LOXL2: variants seen among roughly 807,000 people sequenced by gnomAD.
LOXL2 encodes lysyl oxidase homolog 2.
Under a neutral mutation model 93.0 loss-of-function variants are expected in LOXL2, and 70 were observed. That is an observed-to-expected ratio of 0.75 (90% CI 0.62 to 0.92). The LOEUF (loss-of-function observed/expected upper bound fraction) is 0.92, where lower values mean the gene tolerates loss of function less well. LOXL2 is among the 40% of genes least tolerant of loss of function. The pLI is 0.00. For synonymous variants in LOXL2, 438 were observed against 413.2 expected (o/e 1.06, Z -0.73); for missense variants, 973 against 1,054.9 (o/e 0.92, Z 1.08).
At chr8:23,364,237 C>A (rs1413482449) in intron 2 of LOXL2, 1 of 152,160 alleles carries the variant, frequency 6.6e-6, no homozygotes, top group Non-Finnish European at 1.5e-5. Flanking sequence ...CCAATGCAAC[C>A]AGCTTCTGGG....
intron 1 of LOXL2, among the ~76,000 whole-genome samples, chr8:23,379,655 C>T (rs1281441465): frequency 2.8e-4 from 3 of 10,868 alleles, no homozygotes; most frequent in Admixed American, 1.3e-3. Context: ...CTCCCCCAGC[C>T]GCCTTGCTGC....
At chr8:23,324,756 G>A (rs1375858681) in intron 6 of LOXL2, among the ~76,000 whole-genome samples, 2 of 152,158 alleles carry the variant, frequency 1.3e-5, no homozygotes, top group Non-Finnish European at 1.5e-5. Context: ...GCAGTGTTAC[G>A]GCTTCCATGG....
At chr8:23,319,414 T>C (rs1040532525) in intron 8 of LOXL2, among the ~76,000 whole-genome samples, 1 of 147,694 alleles carries the variant, frequency 6.8e-6, no homozygotes, top group South Asian at 2.1e-4. Context: ...AATGGGAGAA[T>C]GCATTAGGCA....
chr8:23,403,522 G>A (rs1278300288), intron 1 of LOXL2, among the ~76,000 whole-genome samples: 1 of 152,068 alleles, frequency 6.6e-6, no homozygotes, highest in Non-Finnish European at 1.5e-5. Context: ...ACAGCCCCGA[G>A]GGCAGTCACT....
chr8:23,328,492 C>A lies in LOXL2; in HGVS notation c.1040G>T (p.Trp347Leu). ...CCACTTGTCGTCGCAGACGGTCCCC[C>A]ATTCTCCATTTTTGAGCACCTCCAC... ...GRVEVLKNGEWGTVCDDKWDL... is the reference protein window; with the variant it reads ...GRVEVLKNGELGTVCDDKWDL... Residue 347 changes from tryptophan (W) to leucine (L), a missense_variant, in exon 6 of 14, where the codon TGG becomes TTG. Trp to Leu is a moderately conservative substitution (Grantham distance 61). Transcript: ENST00000389131. The A allele has an allele frequency of 6.2e-7, 1 of 1,614,132 alleles. No individual in the cohort carries two copies. The highest frequency in any genetic ancestry group is 8.5e-7 in the Non-Finnish European group (1 of 1,180,036).
At chr8:23,356,611 C>A (rs1436951913) in intron 3 of LOXL2, among the ~76,000 whole-genome samples, 1 of 152,100 alleles carries the variant, frequency 6.6e-6, no homozygotes, top group Admixed American at 6.6e-5. Flanking sequence ...TCAGCGGCTA[C>A]CAAAGGGAAG....
intron 1 of LOXL2, among the ~76,000 whole-genome samples, chr8:23,399,327 T>C (rs1800129812): frequency 6.6e-6 from 1 of 152,186 alleles, no homozygotes; most frequent in African/African-American, 2.4e-5. Flanking sequence ...CTGCTGTGGT[T>C]TGAATAGGTG....
In LOXL2 at chr8:23,321,478, G is replaced by A. The variant is rs939328553; in HGVS notation, c.1302+652C>T. Among the ~76,000 whole-genome samples the A allele has an allele frequency of 3.3e-5, 5 of 152,352 alleles. No individual in the cohort carries two copies. In the East Asian group the frequency reaches 7.7e-4, roughly 23 times the overall value. ...TCCCAGAGCCCCACGTAGAGCGTCAGCATCCTGGTAACCGTGTGGCTTTCT... is the reference window on the plus strand; with the variant it reads ...TCCCAGAGCCCCACGTAGAGCGTCAACATCCTGGTAACCGTGTGGCTTTCT... On this transcript the variant is annotated intron_variant, in intron 7 of 13. Transcript: ENST00000389131.
chr8:23,297,567 G>A lies in LOXL2; in HGVS notation c.*476C>T, dbSNP rs1454293408. ...AATAGACTGGAGGGTTTCATTGGAA[G>A]AGAGGTCTAGATATTCAAGTTTGCT... On this transcript the variant is annotated 3_prime_UTR_variant, in exon 14 of 14. Coordinates refer to ENST00000389131, the MANE Select transcript of LOXL2 (RefSeq NM_002318.3). 1 of 156,066 alleles carries A rather than the reference G, an allele frequency of 6.4e-6. No homozygotes were observed. Among genetic ancestry groups the A allele is most frequent in the African/African-American group, 2.4e-5 (1 of 41,554 alleles). 9.7% of individuals were successfully genotyped at this position (156,066 alleles called of 1,614,324 possible). A position where few individuals can be genotyped will look rare whatever the true frequency, so the allele number is the denominator to read the frequency against.
intron 3 of LOXL2, 117 bp from the exon 4 acceptor site, chr8:23,341,320 G>T: frequency 1.2e-6 from 1 of 805,656 alleles, no homozygotes; most frequent in Non-Finnish European, 2.1e-6. Flanking sequence ...GCCTGCCTGT[G>T]CCCTCAGGCC....
chr8:23,367,367 T>A (rs978197954), intron 2 of LOXL2, among the ~76,000 whole-genome samples: 1 of 152,144 alleles, frequency 6.6e-6, no homozygotes, highest in African/African-American at 2.4e-5. Flanking sequence ...AAACAATTTT[T>A]AAAAATAAAC....
At chr8:23,333,738 T>G in intron 4 of LOXL2, 115 bp from the exon 5 acceptor site, 1 of 801,212 alleles carries the variant, frequency 1.2e-6, no homozygotes, top group South Asian at 1.7e-5. Flanking sequence ...TCAGCCCTGC[T>G]TCACAGAGGG....
intron 1 of LOXL2, among the ~76,000 whole-genome samples, chr8:23,383,364 A>T (rs1804706806): frequency 6.6e-6 from 1 of 152,078 alleles, no homozygotes; most frequent in Non-Finnish European, 1.5e-5. Context: ...TAATGTGAAG[A>T]TCCCTAGCAC....
chr8:23,314,968 G>A (rs1224230617), intron 9 of LOXL2, among the ~76,000 whole-genome samples: 7 of 152,214 alleles, frequency 4.6e-5, no homozygotes, highest in African/African-American at 1.4e-4. Context: ...GGTGGCCAGC[G>A]AGGAGGCTGG....
At chr8:23,325,150 A>G (rs1015057022) in intron 6 of LOXL2, among the ~76,000 whole-genome samples, 1 of 152,094 alleles carries the variant, frequency 6.6e-6, no homozygotes, top group African/African-American at 2.4e-5. Context: ...AAATGATCTC[A>G]TTAATAGCAT....
intron 1 of LOXL2, among the ~76,000 whole-genome samples, chr8:23,383,789 T>C (rs1049402415): frequency 1.3e-5 from 2 of 150,782 alleles, no homozygotes; most frequent in South Asian, 2.1e-4. Flanking sequence ...GCCTCCCGAG[T>C]AGCTGGGACT....
At chr8:23,356,755 G>C (rs1175648192) in intron 3 of LOXL2, among the ~76,000 whole-genome samples, 1 of 152,232 alleles carries the variant, frequency 6.6e-6, no homozygotes, top group Non-Finnish European at 1.5e-5. Context: ...AAAATGCAGA[G>C]TGTGTAAGGC....
chr8:23,380,368 C>T (rs925287123), intron 1 of LOXL2, among the ~76,000 whole-genome samples: 4 of 124,316 alleles, frequency 3.2e-5, no homozygotes, highest in Non-Finnish European at 4.7e-5. Context: ...ACTCCAGCCT[C>T]GTGACAGAGC....
At chr8:23,373,370 G>A (rs765057298) in intron 1 of LOXL2, among the ~76,000 whole-genome samples, 5 of 152,084 alleles carry the variant, frequency 3.3e-5, no homozygotes, top group East Asian at 1.9e-4. Context: ...GGGTCTTGCC[G>A]TGTCACCCAG....
Sources: allele counts gnomAD v4.1 joint callset (sites outside exome capture counted in the v4.1 genomes callset), GRCh38; gene constraint gnomAD v4.1.1; transcripts MANE v1.5; gene names NCBI Gene and HGNC (gene_info 2026-07-23, HGNC 2026-07-21).